The following PIAS2 variants were observed in gnomAD, a reference collection of about 807,000 sequenced individuals.
The protein encoded by PIAS2 is protein inhibitor of activated STAT 2.
Under a neutral mutation model 69.7 loss-of-function variants are expected in PIAS2, and 19 were observed. The observed-to-expected ratio is 0.27, with a 90% CI of 0.19 to 0.40. The LOEUF (loss-of-function observed/expected upper bound fraction) is 0.40. Among genes scored for constraint, PIAS2 ranks in the 10% least tolerant of loss-of-function variants. The pLI is 1.00. For synonymous variants in PIAS2, 261 were observed against 263.2 expected (o/e 0.99, Z 0.08); for missense variants, 624 against 757.0 (o/e 0.82, Z 2.06).
intron 1 of PIAS2, chr18:46,917,083 C>CA (rs746406546): frequency 8.1e-6 from 8 of 989,160 alleles, no homozygotes; most frequent in Non-Finnish European, 9.6e-6. Context: ...GGACCACTGG[C>CA]AGCACTCAGG....
chr18:46,850,431 T>C (rs940827483), intron 5 of PIAS2, among the ~76,000 whole-genome samples: 1 of 152,160 alleles, frequency 6.6e-6, no homozygotes, highest in African/African-American at 2.4e-5. Flanking sequence ...ACCAGGACTT[T>C]TGACCTGAAG....
In PIAS2 at chr18:46,872,711, G is replaced by A. The variant is rs1411377915; in HGVS notation, c.500-8463C>T. Among the ~76,000 whole-genome samples the A allele has an allele frequency of 2.6e-5, 4 of 152,160 alleles. No individual in the cohort carries two copies. In the South Asian group the frequency reaches 6.2e-4, roughly 24 times the overall value. On this transcript the variant is annotated intron_variant, in intron 2 of 13. Coordinates refer to ENST00000585916, the MANE Select transcript of PIAS2 (RefSeq NM_004671.5). ...AAGGCCCGAACGGGTCAAAGGAATCGTGTCCTTACCTTTGCCTAAAACCAA... is the reference window on the plus strand; with the variant it reads ...AAGGCCCGAACGGGTCAAAGGAATCATGTCCTTACCTTTGCCTAAAACCAA...
chr18:46,910,332 G>A (rs973465131), intron 1 of PIAS2, among the ~76,000 whole-genome samples: 2 of 152,106 alleles, frequency 1.3e-5, no homozygotes, highest in African/African-American at 4.8e-5. Flanking sequence ...TTACACTAAT[G>A]AATTAGTAAA....
At chr18:46,888,673 T>G (rs915507422) in intron 2 of PIAS2, among the ~76,000 whole-genome samples, 4 of 152,188 alleles carry the variant, frequency 2.6e-5, no homozygotes, top group African/African-American at 4.8e-5. Flanking sequence ...TCATCAGGCA[T>G]TAGATTCTCG....
chr18:46,823,372 G>T (rs1001708494), intron 11 of PIAS2, among the ~76,000 whole-genome samples: 3 of 151,938 alleles, frequency 2.0e-5, no homozygotes, highest in Admixed American at 6.6e-5. Flanking sequence ...TCACACTGGA[G>T]ATTTTCTTTT....
intron 11 of PIAS2, among the ~76,000 whole-genome samples, chr18:46,826,608 CTTCA>C (rs1333503148): frequency 6.6e-6 from 1 of 152,180 alleles, no homozygotes; most frequent in African/African-American, 2.4e-5. Context: ...AAAATTATAA[CTTCA>C]TTTTCTGTTT....
At chr18:46,907,476 A>T (rs2056761638) in intron 1 of PIAS2, 1 of 152,232 alleles carries the variant, frequency 6.6e-6, no homozygotes, top group South Asian at 2.1e-4. Flanking sequence ...AACTACAGAC[A>T]ACAATAAGGA....
At position 46,804,313 on chromosome 18, in the gene PIAS2, G is replaced by A. The variant is rs1371292537; in HGVS notation, c.*8120C>T. On this transcript the variant is annotated 3_prime_UTR_variant, in exon 14 of 14. Coordinates refer to ENST00000585916, the MANE Select transcript of PIAS2 (RefSeq NM_004671.5). ...CTGGGATAATAGTTAGGGAACACTT[G>A]CTTTTTAGATAGAATGATCAAGAAA... is the stretch of plus-strand genomic sequence containing the variant. 1 of 152,126 alleles carries A rather than the reference G, an allele frequency of 6.6e-6. No homozygotes were observed. Among genetic ancestry groups the A allele is most frequent in the African/African-American group, 2.4e-5 (1 of 41,418 alleles). 9.4% of individuals were successfully genotyped at this position (152,126 alleles called of 1,614,324 possible).
intron 2 of PIAS2, among the ~76,000 whole-genome samples, chr18:46,885,809 CA>C (rs1460327459): frequency 6.6e-6 from 1 of 152,154 alleles, no homozygotes; most frequent in African/African-American, 2.4e-5. Flanking sequence ...GACCAAAATG[CA>C]GGGAGTTTAG....
At chr18:46,863,654 A>G (rs904734634) in intron 3 of PIAS2, among the ~76,000 whole-genome samples, 1 of 152,232 alleles carries the variant, frequency 6.6e-6, no homozygotes, top group Non-Finnish European at 1.5e-5. Context: ...TCTAAAAGAC[A>G]TTGAGGTTTT....
chr18:46,844,393 A>G (rs574107153), intron 7 of PIAS2, among the ~76,000 whole-genome samples: 1 of 152,300 alleles, frequency 6.6e-6, no homozygotes, highest in East Asian at 1.9e-4. Flanking sequence ...AACAACAATT[A>G]GGAGAGGAAG....
intron 10 of PIAS2, among the ~76,000 whole-genome samples, chr18:46,828,882 C>T (rs549529366): frequency 6.6e-6 from 1 of 152,254 alleles, no homozygotes; most frequent in East Asian, 1.9e-4. Context: ...AGAAACTTAT[C>T]AACTAAATCA....
chr18:46,915,803 A>G lies in PIAS2; in HGVS notation c.24+1519T>C, dbSNP rs536513829. On this transcript the variant is annotated intron_variant, in intron 1 of 13. Transcript: ENST00000585916. The stretch of plus-strand genomic sequence containing the variant: ...AAGTTTTCATTAACAAAAAAAAAAA[A>G]AAGAACTTAGAAAACTTGTATACAT... Among the ~76,000 whole-genome samples, 87 of 152,286 alleles carry G rather than the reference A, an allele frequency of 5.7e-4. No individual in the cohort carries two copies. In the Middle Eastern group the frequency reaches 0.01, roughly 18 times the overall value.
intron 2 of PIAS2, among the ~76,000 whole-genome samples, chr18:46,866,021 C>T (rs1198519732): frequency 6.6e-6 from 1 of 152,136 alleles, no homozygotes; most frequent in African/African-American, 2.4e-5. Flanking sequence ...AGTAAACATG[C>T]TGCATTTTAA....
At chr18:46,872,277 T>C (rs1348528493) in intron 2 of PIAS2, among the ~76,000 whole-genome samples, 1 of 152,184 alleles carries the variant, frequency 6.6e-6, no homozygotes, top group African/African-American at 2.4e-5. Context: ...CATATGACCA[T>C]CAATGGTTTA....
intron 9 of PIAS2, among the ~76,000 whole-genome samples, chr18:46,832,892 C>CAAAAAAAAAAAAAAAAAAAAA (rs34958166): frequency 1.4e-4 from 15 of 105,988 alleles, no homozygotes; most frequent in Non-Finnish European, 2.7e-4. Context: ...CCTCTGTCTC[C>CAAAAAAAAAAAAAAAAAAAAA]AAAAAAAAAA....
chr18:46,826,967 G>A (rs1216545169), intron 11 of PIAS2: 1 of 152,078 alleles, frequency 6.6e-6, no homozygotes, highest in Non-Finnish European at 1.5e-5. Context: ...GGTGTAAATA[G>A]GAATAAACTA....
chr18:46,884,964 G>A (rs2052914841), intron 2 of PIAS2, among the ~76,000 whole-genome samples: 1 of 152,006 alleles, frequency 6.6e-6, no homozygotes, highest in African/African-American at 2.4e-5. Flanking sequence ...GACTGCCTGT[G>A]AGAGCACATC....
intron 10 of PIAS2, among the ~76,000 whole-genome samples, chr18:46,828,540 C>A (rs919987079): frequency 6.6e-5 from 10 of 152,186 alleles, no homozygotes; most frequent in Non-Finnish European, 1.3e-4. Context: ...GCTATGTATT[C>A]TCGCACACAT....
Sources: gnomAD v4.1 joint callset for allele counts (sites outside exome capture counted in the v4.1 genomes callset) on GRCh38, gnomAD v4.1.1 for gene constraint, MANE v1.5 for transcripts, NCBI Gene and HGNC (gene_info 2026-07-23, HGNC 2026-07-21) for gene names.